Variants in COLQ observed in about 807,000 individuals in gnomAD.
COLQ encodes collagen like tail subunit of asymmetric acetylcholinesterase.
COLQ carries 48 observed loss-of-function variants against 69.0 expected under a neutral mutation model. That is an observed-to-expected ratio of 0.70 (90% confidence interval 0.55 to 0.88). The LOEUF is 0.88. Among genes scored for constraint, COLQ ranks in the 40% least tolerant of loss-of-function variants. The pLI is 0.00. For synonymous variants in COLQ, 217 were observed against 211.2 expected (o/e 1.03, Z -0.24); for missense variants, 618 against 594.6 (o/e 1.04, Z -0.41).
intron 2 of COLQ, 90 bp downstream of exon 2, chr3:15,489,435 T>A: frequency 2.5e-6 from 3 of 1,195,120 alleles, no homozygotes; most frequent in Non-Finnish European, 3.7e-6. Flanking sequence ...CGGAGGCAGC[T>A]CAGGTGGAGT....
chr3:15,489,712 A>G (rs1014658899), intron 1 of COLQ, 75 bp from the exon 2 acceptor site: 4 of 1,323,514 alleles, frequency 3.0e-6, no homozygotes, highest in Admixed American at 3.8e-5. Flanking sequence ...TGCCCAGGGA[A>G]GACCCATCCT....
chr3:15,477,018 C>T (rs2062390082), intron 6 of COLQ, 108 bp downstream of exon 6: 5 of 1,084,184 alleles, frequency 4.6e-6, no homozygotes, highest in Non-Finnish European at 6.9e-6. Context: ...TCTTCTTCCC[C>T]CTCTTGAAGA....
In COLQ at chr3:15,478,965, C is replaced by A. The variant is rs372145044; in HGVS notation, c.393+12G>T. ...CGCTCATGTGACACTCACAGAACAGCGCAGACCATACCTTCCTTCCTGGTC... is the reference window on the plus strand; with the variant it reads ...CGCTCATGTGACACTCACAGAACAGAGCAGACCATACCTTCCTTCCTGGTC... On this transcript the variant is annotated intron_variant, in intron 5 of 16. Coordinates refer to ENST00000383788, the MANE Select transcript of COLQ (RefSeq NM_005677.4). The A allele has an allele frequency of 4.3e-6, 7 of 1,614,194 alleles. No homozygotes were observed. In the Admixed American group the frequency reaches 1.2e-4, roughly 27 times the overall value.
At chr3:15,477,322 TC>T in intron 5 of COLQ, 125 bp from the exon 6 acceptor site, 1 of 810,776 alleles carries the variant, frequency 1.2e-6, no homozygotes, top group Non-Finnish European at 2.1e-6. Context: ...ATGACCCTCA[TC>T]CCCACTCTCC....
chr3:15,464,718 A>C lies in COLQ; in HGVS notation c.814+1623T>G, dbSNP rs114014048. On this transcript the variant is annotated intron_variant, in intron 12 of 16. Coordinates refer to ENST00000383788, the MANE Select transcript of COLQ (RefSeq NM_005677.4). ...TCTTAAGAAAAAAGTTGGAATAAAA[A>C]TTGTTTGGATTCCTTTTGTATAACT... Among the ~76,000 whole-genome samples the C allele has an allele frequency of 6.8e-3, 1,036 of 152,318 alleles. 10 individuals carry two copies. The highest frequency in any genetic ancestry group is 0.023 in the African/African-American group (973 of 41,570).
intron 1 of COLQ, among the ~76,000 whole-genome samples, chr3:15,509,021 T>C (rs551770806): frequency 1.8e-4 from 28 of 152,110 alleles, no homozygotes; most frequent in Admixed American, 1.6e-3. Context: ...ATAATAACTA[T>C]AAGAAGAAGG....
At chr3:15,516,953 C>T (rs2063071392) in intron 1 of COLQ, among the ~76,000 whole-genome samples, 1 of 152,100 alleles carries the variant, frequency 6.6e-6, no homozygotes, top group South Asian at 2.1e-4. Context: ...ACCAGCCTGG[C>T]CAACATGGCA....
At chr3:15,514,204 T>C (rs1174805894) in intron 1 of COLQ, among the ~76,000 whole-genome samples, 2 of 152,214 alleles carry the variant, frequency 1.3e-5, no homozygotes, top group Non-Finnish European at 2.9e-5. Context: ...AGATGTGTGC[T>C]GTTTTAAGCC....
At chr3:15,469,524 C>T (rs1031926126) in intron 11 of COLQ, among the ~76,000 whole-genome samples, 9 of 152,156 alleles carry the variant, frequency 5.9e-5, no homozygotes, top group African/African-American at 1.4e-4. Context: ...ATTGTAACTT[C>T]GAAAGTTACT....
chr3:15,477,218 A>T (rs752280380), intron 5 of COLQ, 21 bp from the exon 6 acceptor site: 2 of 1,594,850 alleles, frequency 1.3e-6, no homozygotes, highest in Non-Finnish European at 1.7e-6. Flanking sequence ...CAAGAACAAA[A>T]GTCAGGGCAA....
At chr3:15,517,203 A>G (rs888733024) in intron 1 of COLQ, among the ~76,000 whole-genome samples, 2 of 152,214 alleles carry the variant, frequency 1.3e-5, no homozygotes, top group Non-Finnish European at 2.9e-5. Context: ...GGTAGCCTAC[A>G]GGACTTTAAA....
At chr3:15,500,475 A>G (rs2062815840) in intron 1 of COLQ, among the ~76,000 whole-genome samples, 1 of 152,084 alleles carries the variant, frequency 6.6e-6, no homozygotes, top group South Asian at 2.1e-4. Flanking sequence ...ATGGCATCAA[A>G]CTTTTTCTAA....
chr3:15,507,630 A>AT (rs1264746762), intron 1 of COLQ, among the ~76,000 whole-genome samples: 1 of 152,044 alleles, frequency 6.6e-6, no homozygotes, highest in Non-Finnish European at 1.5e-5. Flanking sequence ...AATTTTTTGT[A>AT]TTTTTTAGCA....
chr3:15,511,616 C>T (rs2062986016), intron 1 of COLQ, among the ~76,000 whole-genome samples: 1 of 152,206 alleles, frequency 6.6e-6, no homozygotes, highest in Non-Finnish European at 1.5e-5. Context: ...TGTTTTCCAC[C>T]ATGATGGTTC....
chr3:15,521,473 CT>C lies in COLQ; in HGVS notation c.106+46del, dbSNP rs562682514. 47 of 1,611,208 alleles carry C rather than the reference CT, an allele frequency of 2.9e-5. No individual in the cohort carries two copies. In the South Asian group the frequency reaches 3.8e-4, roughly 13 times the overall value. On this transcript the variant is annotated intron_variant, in intron 1 of 16. Transcript: ENST00000383788. ...TGCAAAACAATCTTCCTTCCTCCCC[CT>C]GTCCCCTGACAGATGGAAGAGAGGA...
intron 1 of COLQ, among the ~76,000 whole-genome samples, chr3:15,518,091 A>C (rs755554215): frequency 6.6e-6 from 1 of 152,124 alleles, no homozygotes; most frequent in African/African-American, 2.4e-5. Flanking sequence ...GATTACAGGC[A>C]TGCACCACCA....
At position 15,509,719 on chromosome 3, in the gene COLQ, G is replaced by A. The variant is rs1277134096; in HGVS notation, c.106+11801C>T. Among the ~76,000 whole-genome samples, 5 of 152,180 alleles carry A rather than the reference G, an allele frequency of 3.3e-5. No homozygotes were observed. The East Asian group carries it at 9.6e-4, about 29-fold the overall frequency. On this transcript the variant is annotated intron_variant, in intron 1 of 16. Transcript: ENST00000383788. The stretch of plus-strand genomic sequence containing the variant: ...ATGGATTGTATATTCCCCTTTTCCA[G>A]GTGAGGAAAATTGATTCTATGATAT...
At chr3:15,474,721 G>A (rs1276234548) in intron 8 of COLQ, among the ~76,000 whole-genome samples, 1 of 152,222 alleles carries the variant, frequency 6.6e-6, no homozygotes, top group East Asian at 1.9e-4. Context: ...GCCTCTATGG[G>A]GAGCCCTTCT....
intron 1 of COLQ, among the ~76,000 whole-genome samples, chr3:15,517,586 C>G (rs1248790647): frequency 2.6e-5 from 4 of 152,106 alleles, no homozygotes; most frequent in Non-Finnish European, 5.9e-5. Flanking sequence ...CCAGGGCCAG[C>G]CAAACCCAAG....
Sources: allele counts gnomAD v4.1 joint callset (sites outside exome capture counted in the v4.1 genomes callset), GRCh38; gene constraint gnomAD v4.1.1; transcripts MANE v1.5; gene names NCBI Gene and HGNC (gene_info 2026-07-23, HGNC 2026-07-21).